The following MIER2 variants were observed in gnomAD, a reference collection of about 807,000 sequenced individuals.
The protein encoded by MIER2 is mesoderm induction early response protein 2.
In MIER2, 30 loss-of-function variants were observed where a neutral mutation model predicts 67.6. That is an observed-to-expected ratio of 0.44 (90% CI 0.33 to 0.60). MIER2 has a LOEUF of 0.60. Ranked by LOEUF, MIER2 falls within the 20% of genes least tolerant of loss-of-function variation. MIER2 has a pLI of 0.02. For missense variants in MIER2, 702 were observed against 745.1 expected (o/e 0.94, Z 0.67); for synonymous variants, 372 against 312.6 (o/e 1.19, Z -2.00).
intron 9 of MIER2, 55 bp from the exon 10 acceptor site, chr19:311,994 GA>G: frequency 7.3e-7 from 1 of 1,374,746 alleles, no homozygotes; most frequent in Non-Finnish European, 9.7e-7. Flanking sequence ...GGCCGCAGCG[GA>G]AGGAAGGCCC....
chr19:333,275 A>G (rs1236268886), intron 3 of MIER2, among the ~76,000 whole-genome samples: 1 of 81,834 alleles, frequency 1.2e-5, no homozygotes, highest in Admixed American at 1.4e-4. Flanking sequence ...TGGGATTACA[A>G]GCATGAGCCA....
intron 1 of MIER2, chr19:340,571 T>G (rs1972458747): frequency 6.5e-6 from 1 of 153,014 alleles, no homozygotes; most frequent in African/African-American, 2.4e-5. Context: ...ATCTTCACGT[T>G]GAGTAGGCTG....
Position 307,099 on chromosome 19 carries a change from G to A in MIER2, c.1616+20C>T, listed in dbSNP as rs376421845. The A allele has an allele frequency of 2.7e-5, 43 of 1,565,322 alleles. No homozygotes were observed. The African/African-American group carries it at 3.8e-4, about 14-fold the overall frequency. ...CTGGTTGGAGTGTTGCGGAGGCTCC[G>A]GGCATGGGGTGGCACTCACTGTGAC... On this transcript the variant is annotated intron_variant, in intron 13 of 13. Transcript: ENST00000264819.
intron 10 of MIER2, 131 bp from the exon 11 acceptor site, chr19:309,056 G>A (rs796884926): frequency 1.7e-5 from 22 of 1,318,890 alleles, no homozygotes; most frequent in East Asian, 7.1e-5. Context: ...CTCAGATAAC[G>A]CAAGACCCCC....
At position 306,580 on chromosome 19, in the gene MIER2, G is replaced by A; in HGVS notation, c.*110C>T. ...GACGTGTTCTGAAGCAGAAGGAGGT[G>A]CTACCCCAAGGCCCGGGGGGTGGGG... On this transcript the variant is annotated 3_prime_UTR_variant, in exon 14 of 14. Transcript: ENST00000264819. The A allele has an allele frequency of 7.1e-7, 1 of 1,406,330 alleles. No individual in the cohort carries two copies. Among genetic ancestry groups the A allele is most frequent in the Non-Finnish European group, 9.8e-7 (1 of 1,019,996 alleles). The allele number at this position is 1,406,330 out of a possible 1,614,324, so 87.1% of individuals were successfully genotyped here.
intron 13 of MIER2, 58 bp from the exon 14 acceptor site, chr19:306,769 C>A: frequency 6.4e-7 from 1 of 1,551,382 alleles, no homozygotes; most frequent in Non-Finnish European, 8.7e-7. Context: ...CACGTGCCTG[C>A]ACAGCCCAGT....
intron 2 of MIER2, among the ~76,000 whole-genome samples, chr19:335,424 G>A (rs980103101): frequency 3.3e-5 from 5 of 152,232 alleles, no homozygotes; most frequent in Admixed American, 1.3e-4. Flanking sequence ...GAATGGGTGC[G>A]CCCGGACCCT....
intron 7 of MIER2, among the ~76,000 whole-genome samples, chr19:320,400 GATAA>G (rs1284772911): frequency 4.0e-5 from 6 of 151,376 alleles, no homozygotes; most frequent in Non-Finnish European, 8.8e-5. Flanking sequence ...TAGATAGATA[GATAA>G]ATAAATAAAA....
intron 3 of MIER2, among the ~76,000 whole-genome samples, chr19:333,139 C>T (rs1173548940): frequency 1.0e-5 from 1 of 96,054 alleles, no homozygotes; most frequent in Admixed American, 1.2e-4. Context: ...ACTACAGTCA[C>T]CCGCCACTAT....
chr19:326,605 G>C lies in MIER2; in HGVS notation c.494-7C>G. The C allele has an allele frequency of 6.2e-7, 1 of 1,613,506 alleles. No individual in the cohort carries two copies. The highest frequency in any genetic ancestry group is 1.1e-5 in the South Asian group (1 of 91,074). On this transcript the variant is annotated splice_region_variant and splice_polypyrimidine_tract_variant and intron_variant, in intron 5 of 13. Transcript: ENST00000264819. ...TCATCAGCCAGGAAACGAGCTTTGGGAAAACAGAGGCAGGTCCCCCAGGGT... is the reference window on the plus strand; with the variant it reads ...TCATCAGCCAGGAAACGAGCTTTGGCAAAACAGAGGCAGGTCCCCCAGGGT...
At chr19:311,146 G>A (rs759945657) in intron 10 of MIER2, among the ~76,000 whole-genome samples, 5 of 152,338 alleles carry the variant, frequency 3.3e-5, no homozygotes, top group South Asian at 2.1e-4. Flanking sequence ...AGCAAGGCTC[G>A]GCAACAAGGC....
intron 5 of MIER2, 138 bp from the exon 6 acceptor site, chr19:326,736 T>C: frequency 2.8e-6 from 2 of 705,382 alleles, no homozygotes; most frequent in Non-Finnish European, 4.9e-6. Flanking sequence ...GGTAAACAGA[T>C]GGGCACAGGA....
chr19:307,580 G>A (rs143060364), intron 12 of MIER2, 44 bp from the exon 13 acceptor site: 181 of 1,463,992 alleles, frequency 1.2e-4, no homozygotes, highest in South Asian at 1.2e-3. Context: ...GCCCACAGCC[G>A]CGGATCCTGT....
At chr19:328,948 T>C (rs1231440242) in intron 3 of MIER2, among the ~76,000 whole-genome samples, 2 of 152,192 alleles carry the variant, frequency 1.3e-5, no homozygotes, top group Non-Finnish European at 2.9e-5. Context: ...AGGCACGTAA[T>C]TCCTGGGAAG....
Position 327,958 on chromosome 19 carries a change from G to C in MIER2, c.275C>G (p.Ala92Gly), listed in dbSNP as rs140470504. The C allele has an allele frequency of 1.2e-6, 2 of 1,613,102 alleles. No individual in the cohort carries two copies. The highest frequency in any genetic ancestry group is 1.7e-5 in the Admixed American group (1 of 59,918). The change falls in exon 4 of 14, where the codon GCG (alanine) becomes GGG (glycine). Residue 92 changes from alanine to glycine, a missense_variant. By Grantham distance (60) the Ala-to-Gly change is moderately conservative. Transcript: ENST00000264819. The part of the protein sequence containing the change: ...SNDMPFDELL[A>G]LYGYEASDPI... ...GTCTGACGCCTCGTAGCCATAGAGC[G>C]CAAGCAGCTCATCAAAGGGCATGTC...
chr19:325,524 G>T (rs1037033248), intron 7 of MIER2, 111 bp downstream of exon 7: 18 of 1,245,910 alleles, frequency 1.4e-5, no homozygotes, highest in East Asian at 2.4e-5. Flanking sequence ...AGCTGCCCCA[G>T]TGAGCGATGC....
intron 1 of MIER2, among the ~76,000 whole-genome samples, chr19:338,494 G>A (rs1003151027): frequency 6.6e-6 from 1 of 152,046 alleles, no homozygotes; most frequent in Non-Finnish European, 1.5e-5. Context: ...ACATTAAGAC[G>A]GCAACACCCC....
chr19:307,221 G>A lies in MIER2; in HGVS notation c.1514C>T (p.Ser505Leu), dbSNP rs1450849889. The change falls in exon 13 of 14, where the codon TCG (serine) becomes TTG (leucine). Residue 505 changes from serine to leucine, a missense_variant. This residue lies in a region of MIER2 where 254 missense variants were observed against 262.8 expected (regional missense o/e 0.97). Transcript: ENST00000264819. The stretch of plus-strand genomic sequence containing the variant: ...GCCGATGAGTCCAAACTCGGTGACC[G>A]ACAAAGCCACCTGTGCTGGGGCCAC... The part of the protein sequence containing the change: ...ETVAPAQVAL[S>L]VTEFGLIGIG... 2.5e-6 allele frequency: 4 copies of A among 1,591,738 alleles called. No homozygotes were observed. Among genetic ancestry groups the A allele is most frequent in the Non-Finnish European group, 2.6e-6 (3 of 1,169,556 alleles).
At chr19:338,032 T>C (rs1972341765) in intron 1 of MIER2, among the ~76,000 whole-genome samples, 1 of 149,120 alleles carries the variant, frequency 6.7e-6, no homozygotes, top group South Asian at 2.1e-4. Flanking sequence ...ATTAGCTGGG[T>C]GTGGTGGCGG....
Sources: allele counts gnomAD v4.1 joint callset (sites outside exome capture counted in the v4.1 genomes callset), GRCh38; gene constraint gnomAD v4.1.1; regional missense constraint gnomAD v4.1.1; transcripts MANE v1.5; gene names NCBI Gene and HGNC (gene_info 2026-07-23, HGNC 2026-07-21).